The following CPNE8 variants were observed in gnomAD, a reference collection of about 807,000 sequenced individuals.
The protein encoded by CPNE8 is copine 8, also known as copine-8.
In CPNE8, 45 loss-of-function variants were observed where a neutral mutation model predicts 81.5. The observed-to-expected ratio is 0.55, with a 90% CI of 0.44 to 0.71. The LOEUF is 0.71. Among genes scored for constraint, CPNE8 ranks in the 30% least tolerant of loss-of-function variants. The probability of loss-of-function intolerance (pLI) is 0.00; values close to 1 mark genes in which losing one functional copy is unlikely to be tolerated. For missense variants in CPNE8, 594 were observed against 672.1 expected, an observed-to-expected ratio of 0.88 and a Z score of 1.28; for synonymous variants, 252 against 226.3, an observed-to-expected ratio of 1.11 and a Z score of -1.02.
At position 38,670,749 on chromosome 12, in the gene CPNE8, C is replaced by G; in HGVS notation, c.1486G>C (p.Ala496Pro). ...CTTACCTGCACAATGTCTCTTTCAGCATATTTTCCTCTAGAGGAGACTCTT... is the reference window on the plus strand; with the variant it reads ...CTTACCTGCACAATGTCTCTTTCAGGATATTTTCCTCTAGAGGAGACTCTT... ...DVRVSSRGKY[A>P]ERDIVQFVPF... The change falls in exon 19 of 20, where the codon GCT becomes CCT. Residue 496 changes from alanine (A) to proline (P), a missense_variant. Coordinates refer to ENST00000331366, the MANE Select transcript of CPNE8 (RefSeq NM_153634.3). 2 of 1,608,336 alleles carry G rather than the reference C, an allele frequency of 1.2e-6. No homozygotes were observed. The highest frequency in any genetic ancestry group is 2.2e-5 in the South Asian group (2 of 90,484).
chr12:38,798,371 C>T (rs906796864), intron 6 of CPNE8, among the ~76,000 whole-genome samples: 1 of 152,244 alleles, frequency 6.6e-6, no homozygotes, highest in East Asian at 1.9e-4. Flanking sequence ...CTCTACAAGC[C>T]AGAAGACAGT....
chr12:38,851,522 G>A (rs912889685), intron 3 of CPNE8, among the ~76,000 whole-genome samples: 1 of 152,058 alleles, frequency 6.6e-6, no homozygotes, highest in African/African-American at 2.4e-5. Context: ...TGCCTCATAA[G>A]TTATCAGTTA....
chr12:38,667,307 C>A (rs1306727380), intron 19 of CPNE8, among the ~76,000 whole-genome samples: 1 of 152,174 alleles, frequency 6.6e-6, no homozygotes, highest in African/African-American at 2.4e-5. Flanking sequence ...TATTATCCTG[C>A]ATGTACACTT....
chr12:38,718,040 T>TA (rs34731684), intron 13 of CPNE8, among the ~76,000 whole-genome samples: 160 of 145,558 alleles, frequency 1.1e-3, no homozygotes, highest in African/African-American at 1.7e-3. Context: ...AGGGCATCTT[T>TA]AAAAAAAAAA....
Position 38,897,524 on chromosome 12 carries a change from A to G in CPNE8, c.98+7913T>C, listed in dbSNP as rs184067525. On this transcript the variant is annotated intron_variant, in intron 1 of 19. Transcript: ENST00000331366. ...GAATACTGCACAGACATGGAAGGTT[A>G]TATTTCCAAAAACTAATAACAACAA... Among the ~76,000 whole-genome samples, 3 of 152,050 alleles carry G rather than the reference A, an allele frequency of 2.0e-5. No homozygotes were observed. In the East Asian group the frequency reaches 5.8e-4, roughly 29 times the overall value.
chr12:38,759,455 T>G (rs1263391586), intron 10 of CPNE8, among the ~76,000 whole-genome samples: 1 of 152,148 alleles, frequency 6.6e-6, no homozygotes, highest in Non-Finnish European at 1.5e-5. Context: ...AAATAGAAAG[T>G]TTTCTGATAA....
At chr12:38,877,150 T>C (rs1229965275) in intron 1 of CPNE8, among the ~76,000 whole-genome samples, 2 of 152,208 alleles carry the variant, frequency 1.3e-5, no homozygotes, top group Non-Finnish European at 2.9e-5. Flanking sequence ...AGAAGACTTC[T>C]TATTTTCTAT....
At chr12:38,866,241 A>G (rs1487895403) in intron 3 of CPNE8, among the ~76,000 whole-genome samples, 1 of 152,220 alleles carries the variant, frequency 6.6e-6, no homozygotes, top group Non-Finnish European at 1.5e-5. Flanking sequence ...CCCTCAATCA[A>G]TCACAGGAAG....
intron 6 of CPNE8, among the ~76,000 whole-genome samples, chr12:38,812,933 A>C (rs1942962723): frequency 6.6e-6 from 1 of 152,216 alleles, no homozygotes; most frequent in Non-Finnish European, 1.5e-5. Flanking sequence ...ACCCAATCTC[A>C]GGTATTCTGT....
intron 16 of CPNE8, 82 bp downstream of exon 16, chr12:38,685,408 G>T: frequency 7.0e-7 from 1 of 1,436,246 alleles, no homozygotes; most frequent in Non-Finnish European, 9.4e-7. Context: ...ACTTTCATGT[G>T]TGGAGTCATG....
chr12:38,853,765 A>G (rs1943683851), intron 3 of CPNE8, among the ~76,000 whole-genome samples: 1 of 152,118 alleles, frequency 6.6e-6, no homozygotes, highest in Non-Finnish European at 1.5e-5. Context: ...ATAGAATAGA[A>G]ATACTCCTCA....
At chr12:38,660,511 C>T (rs1037819116) in intron 19 of CPNE8, among the ~76,000 whole-genome samples, 3 of 151,958 alleles carry the variant, frequency 2.0e-5, no homozygotes, top group African/African-American at 7.3e-5. Flanking sequence ...CCATAAAATC[C>T]CTAGAAGAAA....
At chr12:38,666,306 A>C (rs1295836232) in intron 19 of CPNE8, among the ~76,000 whole-genome samples, 1 of 152,196 alleles carries the variant, frequency 6.6e-6, no homozygotes, top group African/African-American at 2.4e-5. Context: ...TTTTAGAACC[A>C]GAACACTCTT....
chr12:38,671,482 T>G (rs984040237), intron 18 of CPNE8, among the ~76,000 whole-genome samples: 2 of 152,206 alleles, frequency 1.3e-5, no homozygotes, highest in Admixed American at 1.3e-4. Context: ...GGACAGCTGG[T>G]GATACAGTAA....
intron 1 of CPNE8, among the ~76,000 whole-genome samples, chr12:38,902,403 G>GA (rs1212309166): frequency 7.2e-6 from 1 of 139,030 alleles, no homozygotes; most frequent in Non-Finnish European, 1.5e-5. Flanking sequence ...GAGAAAGAAA[G>GA]AAAGAAAGAA....
rs1169546703 is a variant in CPNE8, at chr12:38,653,813, G to A, written c.*69C>T. On this transcript the variant is annotated 3_prime_UTR_variant, in exon 20 of 20. Coordinates refer to ENST00000331366, the MANE Select transcript of CPNE8 (RefSeq NM_153634.3). ...CTATCTCATTGCCTGGTTCATTACA[G>A]AGCACCAGGCACAAAGCATTAACTC... The A allele has an allele frequency of 9.1e-6, 14 of 1,546,354 alleles. No individual in the cohort carries two copies. Among genetic ancestry groups the A allele is most frequent in the Non-Finnish European group, 1.2e-5 (14 of 1,153,698 alleles).
Position 38,833,762 on chromosome 12 carries a change from G to A in CPNE8, c.331-4307C>T, listed in dbSNP as rs1393259156. 2.0e-5 allele frequency among the ~76,000 whole-genome samples: 3 copies of A among 152,048 alleles called. No individual in the cohort carries two copies. The East Asian group carries it at 5.8e-4, about 29-fold the overall frequency. On this transcript the variant is annotated intron_variant, in intron 5 of 19. Transcript: ENST00000331366. ...CAAAGTGCTGGGATTACAGGTATGA[G>A]CCACCGCACCCGGCCACCAATTTTT...
At chr12:38,795,855 AGATG>A (rs879746840) in intron 6 of CPNE8, among the ~76,000 whole-genome samples, 2 of 108,202 alleles carry the variant, frequency 1.8e-5, no homozygotes, top group African/African-American at 6.7e-5. Flanking sequence ...ATATGATGAT[AGATG>A]GATGGATGGA....
intron 1 of CPNE8, among the ~76,000 whole-genome samples, chr12:38,896,993 A>T (rs1944396910): frequency 6.6e-6 from 1 of 152,068 alleles, no homozygotes; most frequent in Admixed American, 6.6e-5. Context: ...TCATTTACTC[A>T]TCCAACAACC....
Sources: allele counts gnomAD v4.1 joint callset (sites outside exome capture counted in the v4.1 genomes callset), GRCh38; gene constraint gnomAD v4.1.1; transcripts MANE v1.5; gene names NCBI Gene and HGNC (gene_info 2026-07-23, HGNC 2026-07-21).